Variants in CDH9 observed in about 807,000 individuals in gnomAD.
CDH9 encodes the protein cadherin-9.
In CDH9, 28 loss-of-function variants were observed where a neutral mutation model predicts 70.9. The ratio of observed to expected loss-of-function variants is 0.40; its 90% CI spans 0.29 to 0.54. The LOEUF (loss-of-function observed/expected upper bound fraction) is 0.54. Among genes scored for constraint, CDH9 ranks in the 20% least tolerant of loss-of-function variants. The probability of loss-of-function intolerance (pLI) is 0.59; values close to 1 mark genes in which losing one functional copy is unlikely to be tolerated. For synonymous variants in CDH9, 409 were observed against 343.1 expected (o/e 1.19, Z -2.12); for missense variants, 874 against 984.4 (o/e 0.89, Z 1.50).
At chr5:26,910,532 T>A (rs987283471) in intron 3 of CDH9, among the ~76,000 whole-genome samples, 1 of 152,200 alleles carries the variant, frequency 6.6e-6, no homozygotes, top group African/African-American at 2.4e-5. Flanking sequence ...TATGTATATC[T>A]ATCTATCATC....
intron 5 of CDH9, among the ~76,000 whole-genome samples, chr5:26,904,751 G>A (rs1740916213): frequency 6.6e-6 from 1 of 151,980 alleles, no homozygotes; most frequent in Non-Finnish European, 1.5e-5. Flanking sequence ...AGTTAAATTC[G>A]CTAAACTTTG....
chr5:27,038,234 G>C (rs1346042557), intron 1 of CDH9, among the ~76,000 whole-genome samples: 2 of 151,906 alleles, frequency 1.3e-5, no homozygotes, highest in African/African-American at 4.8e-5. Context: ...GTAGGTATCA[G>C]CTTTGCAAAA....
chr5:26,928,156 A>G (rs1579456745), intron 2 of CDH9, among the ~76,000 whole-genome samples: 2 of 152,240 alleles, frequency 1.3e-5, no homozygotes, highest in East Asian at 3.9e-4. Context: ...AAATTGCAGG[A>G]TACAAAATCA....
chr5:26,927,074 T>G (rs1373466871), intron 2 of CDH9, among the ~76,000 whole-genome samples: 1 of 151,972 alleles, frequency 6.6e-6, no homozygotes, highest in Non-Finnish European at 1.5e-5. Flanking sequence ...TGGGGTTTAT[T>G]CCTGGGATGC....
chr5:27,002,975 C>G (rs1457647756), intron 1 of CDH9, among the ~76,000 whole-genome samples: 1 of 151,814 alleles, frequency 6.6e-6, no homozygotes, highest in African/African-American at 2.4e-5. Context: ...AAAAAAGAAG[C>G]ATTGTGTTAT....
chr5:26,951,402 G>A (rs77819865), intron 2 of CDH9, among the ~76,000 whole-genome samples: 2,944 of 151,468 alleles, frequency 0.019, 35 homozygotes, highest in Middle Eastern at 0.044. Flanking sequence ...AGTAGGAGGA[G>A]AATACTTACC....
At position 26,928,613 on chromosome 5, in the gene CDH9, C is replaced by T. The variant is rs181176028; in HGVS notation, c.229-12689G>A. On this transcript the variant is annotated intron_variant, in intron 2 of 11. Coordinates refer to ENST00000231021, the MANE Select transcript of CDH9 (RefSeq NM_016279.4). Reference sequence around the variant, plus strand: ...AAATTATACCACGGAGTTATAGTAACCAGAATAGCTTCGTACTGGTGTAAA... The same window carrying T: ...AAATTATACCACGGAGTTATAGTAATCAGAATAGCTTCGTACTGGTGTAAA... Among the ~76,000 whole-genome samples the T allele has an allele frequency of 9.2e-3, 1,403 of 152,072 alleles. 17 individuals are homozygous for T. Among genetic ancestry groups the T allele is most frequent in the Non-Finnish European group, 0.016 (1,089 of 67,950 alleles).
In CDH9 at chr5:26,914,967, G is replaced by A. The variant is rs114264965; in HGVS notation, c.523+663C>T. ...TGTAGTCATACACATATAAAACTCC[G>A]CACAAGTGGTATCTAAAATGGTGGG... On this transcript the variant is annotated intron_variant, in intron 3 of 11. Transcript: ENST00000231021. 2.4e-3 allele frequency among the ~76,000 whole-genome samples: 369 copies of A among 151,976 alleles called. 3 individuals carry two copies. Among genetic ancestry groups the A allele is most frequent in the African/African-American group, 6.3e-3 (263 of 41,514 alleles).
At chr5:26,913,779 G>T (rs989179494) in intron 3 of CDH9, among the ~76,000 whole-genome samples, 4 of 151,682 alleles carry the variant, frequency 2.6e-5, no homozygotes, top group Non-Finnish European at 5.9e-5. Context: ...GTGTGTGTGT[G>T]TGTGTGTGTG....
rs868120472 is a variant in CDH9, at chr5:26,890,332, C to A, written c.1390+96G>T. ...TTTCTCTAAGATCTTGCTAAGGATA[C>A]AATCATACCACTCAAGAAAATGAGT... On this transcript the variant is annotated intron_variant, in intron 8 of 11. Coordinates refer to ENST00000231021, the MANE Select transcript of CDH9 (RefSeq NM_016279.4). 1.2e-5 allele frequency: 12 copies of A among 974,586 alleles called. No homozygotes were observed. In the Middle Eastern group the frequency reaches 2.0e-3, roughly 158 times the overall value. 60.4% of individuals were successfully genotyped at this position (974,586 alleles called of 1,614,324 possible). A position where few individuals can be genotyped will look rare whatever the true frequency, so the allele number is the denominator to read the frequency against.
chr5:26,988,958 G>A (rs1742535438), intron 1 of CDH9, among the ~76,000 whole-genome samples: 1 of 151,840 alleles, frequency 6.6e-6, no homozygotes, highest in East Asian at 1.9e-4. Context: ...GCACCATGTC[G>A]ATCTTTTCCA....
rs1741311088 is a variant in CDH9 at position 26,924,955 on chromosome 5, T to C, written c.229-9031A>G. On this transcript the variant is annotated intron_variant, in intron 2 of 11. Coordinates refer to ENST00000231021, the MANE Select transcript of CDH9 (RefSeq NM_016279.4). ...TTTTTTTAATCCAGTCTATCACTGATGGACATGTGGGTTGGTGCCAAGTCT... is the reference window on the plus strand; with the variant it reads ...TTTTTTTAATCCAGTCTATCACTGACGGACATGTGGGTTGGTGCCAAGTCT... Among the ~76,000 whole-genome samples, 7 of 152,276 alleles carry C rather than the reference T, an allele frequency of 4.6e-5. No homozygotes were observed. The South Asian group carries it at 1.4e-3, about 32-fold the overall frequency.
Position 26,886,069 on chromosome 5 carries a change from G to T in CDH9, c.1527C>A (p.Val509=), listed in dbSNP as rs2111967971. 6.3e-7 allele frequency: 1 copy of T among 1,599,174 alleles called. No homozygotes were observed. The highest frequency in any genetic ancestry group is 1.1e-5 in the South Asian group (1 of 86,964). The change falls in exon 10 of 12, where the codon GTC becomes GTA. Residue 509 remains valine, a synonymous_variant. Transcript: ENST00000231021. ...GAGGGTCATCCTTATCCATGACACTGACAGTCTGAATCAACTGAAACCAAA... is the reference window on the plus strand; with the variant it reads ...GAGGGTCATCCTTATCCATGACACTTACAGTCTGAATCAACTGAAACCAAA... ...NAKPGQLIQT[V]SVMDKDDPPR...
chr5:27,036,263 A>G (rs1215600917), intron 1 of CDH9, among the ~76,000 whole-genome samples: 1 of 151,890 alleles, frequency 6.6e-6, no homozygotes, highest in Non-Finnish European at 1.5e-5. Flanking sequence ...TGCATTGGCT[A>G]AGCTTGGCAT....
chr5:27,036,974 C>T lies in CDH9; in HGVS notation c.-50+1489G>A, dbSNP rs1743404335. ...TCTTTCAAAAGATCTATGTTTCAAACCTGGATTAGCCAGTTTTATAGTTGC... is the reference window on the plus strand; with the variant it reads ...TCTTTCAAAAGATCTATGTTTCAAATCTGGATTAGCCAGTTTTATAGTTGC... On this transcript the variant is annotated intron_variant, in intron 1 of 11. Coordinates refer to ENST00000231021, the MANE Select transcript of CDH9 (RefSeq NM_016279.4). 2.0e-5 allele frequency among the ~76,000 whole-genome samples: 3 copies of T among 151,908 alleles called. No individual in the cohort carries two copies. In the South Asian group the frequency reaches 6.2e-4, roughly 31 times the overall value.
intron 1 of CDH9, among the ~76,000 whole-genome samples, chr5:26,992,962 G>A (rs1742601959): frequency 6.6e-6 from 1 of 152,068 alleles, no homozygotes. Context: ...CTGGTGTAGT[G>A]GCGCATGCCT....
At chr5:26,904,168 G>A (rs1740905877) in intron 5 of CDH9, among the ~76,000 whole-genome samples, 1 of 143,560 alleles carries the variant, frequency 7.0e-6, no homozygotes, top group African/African-American at 2.5e-5. Flanking sequence ...CTTTCAAAAT[G>A]GTCATCACAC....
intron 2 of CDH9, among the ~76,000 whole-genome samples, chr5:26,937,994 T>A (rs1741590528): frequency 6.6e-6 from 1 of 152,088 alleles, no homozygotes; most frequent in South Asian, 2.1e-4. Flanking sequence ...TTAATAATAA[T>A]ATAGTAATAT....
chr5:27,034,454 C>T (rs1743358319), intron 1 of CDH9, among the ~76,000 whole-genome samples: 1 of 151,480 alleles, frequency 6.6e-6, no homozygotes, highest in African/African-American at 2.4e-5. Flanking sequence ...TTATAATTTG[C>T]TAAATTAATA....
Sources: allele counts gnomAD v4.1 joint callset (sites outside exome capture counted in the v4.1 genomes callset), GRCh38; gene constraint gnomAD v4.1.1; transcripts MANE v1.5; gene names NCBI Gene and HGNC (gene_info 2026-07-23, HGNC 2026-07-21).